The following SYTL2 variants were observed in gnomAD, a reference collection of about 807,000 sequenced individuals.
The protein encoded by SYTL2 is synaptotagmin-like protein 2.
Under a neutral mutation model 198.7 loss-of-function variants are expected in SYTL2, and 165 were observed. The ratio of observed to expected loss-of-function variants is 0.83; its 90% CI spans 0.73 to 0.94. The LOEUF (loss-of-function observed/expected upper bound fraction) is 0.94. SYTL2 is among the 40% of genes least tolerant of loss of function. SYTL2 has a pLI of 0.00. For synonymous variants in SYTL2, 966 were observed against 917.7 expected (o/e 1.05, Z -0.95); for missense variants, 2,835 against 2,582.8 (o/e 1.10, Z -2.12).
intron 1 of SYTL2, among the ~76,000 whole-genome samples, chr11:85,803,509 C>G (rs1390273995): frequency 2.0e-5 from 3 of 152,148 alleles, no homozygotes; most frequent in African/African-American, 7.2e-5. Context: ...GTTGTTTTTC[C>G]TGGAAGATTA....
intron 1 of SYTL2, among the ~76,000 whole-genome samples, chr11:85,809,402 G>A (rs187345746): frequency 6.6e-6 from 1 of 152,258 alleles, no homozygotes; most frequent in African/African-American, 2.4e-5. Context: ...CCAGAATAAC[G>A]GAAACTCCTG....
intron 1 of SYTL2, among the ~76,000 whole-genome samples, chr11:85,782,617 C>T (rs2092578874): frequency 6.6e-6 from 1 of 152,188 alleles, no homozygotes; most frequent in Non-Finnish European, 1.5e-5. Flanking sequence ...GTTCCAATTC[C>T]AAACCATATC....
At chr11:85,762,087 CAT>C (rs2092109882) in intron 1 of SYTL2, among the ~76,000 whole-genome samples, 1 of 152,154 alleles carries the variant, frequency 6.6e-6, no homozygotes. Flanking sequence ...CCAACATTGA[CAT>C]TTCATTTAAT....
intron 1 of SYTL2, among the ~76,000 whole-genome samples, chr11:85,759,064 G>A (rs2092005513): frequency 6.6e-6 from 1 of 152,008 alleles, no homozygotes; most frequent in Non-Finnish European, 1.5e-5. Flanking sequence ...GACCAACATG[G>A]TGAAACCCCG....
At chr11:85,796,618 G>C (rs2092807672) in intron 1 of SYTL2, among the ~76,000 whole-genome samples, 1 of 152,256 alleles carries the variant, frequency 6.6e-6, no homozygotes, top group Non-Finnish European at 1.5e-5. Context: ...AGTACCATGA[G>C]CTTTGGAACT....
the SYTL2 span, among the ~76,000 whole-genome samples, chr11:85,818,688 T>TCTATCTAC: frequency 0.029 from 4,316 of 151,120 alleles, 174 homozygotes; most frequent in African/African-American, 0.088. Context: ...TATCTATCTA[T>TCTATCTAC]CTACCTATCT....
intron 2 of SYTL2, among the ~76,000 whole-genome samples, chr11:85,749,981 G>C (rs369964817): frequency 1.3e-5 from 2 of 152,128 alleles, no homozygotes; most frequent in African/African-American, 4.8e-5. Context: ...ACCTAAAAAG[G>C]CTTCAGGTTA....
chr11:85,736,277 G>A (rs983896137), intron 6 of SYTL2, among the ~76,000 whole-genome samples: 2 of 152,176 alleles, frequency 1.3e-5, no homozygotes, highest in African/African-American at 4.8e-5. Context: ...TGGAAGTCAC[G>A]TAACAAGTCA....
At chr11:85,713,018 C>T (rs996559656) in intron 12 of SYTL2, among the ~76,000 whole-genome samples, 6 of 152,186 alleles carry the variant, frequency 3.9e-5, no homozygotes, top group African/African-American at 1.4e-4. Context: ...CATGCCCGGC[C>T]TCATATTATT....
intron 4 of SYTL2, 52 bp downstream of exon 4, chr11:85,745,585 C>T: frequency 6.3e-7 from 1 of 1,582,874 alleles, no homozygotes; most frequent in Non-Finnish European, 8.6e-7. Context: ...CATGTGACAC[C>T]CCAGGCCATG....
chr11:85,703,177 T>C (rs2084611016), intron 16 of SYTL2, among the ~76,000 whole-genome samples: 1 of 152,132 alleles, frequency 6.6e-6, no homozygotes, highest in East Asian at 1.9e-4. Flanking sequence ...TAATTGGAGT[T>C]TCCAGAAGGA....
At chr11:85,806,311 A>T (rs2092958160) in intron 1 of SYTL2, among the ~76,000 whole-genome samples, 1 of 152,028 alleles carries the variant, frequency 6.6e-6, no homozygotes, top group African/African-American at 2.4e-5. Flanking sequence ...CCCCCTCTCC[A>T]GTTCTGAGCC....
chr11:85,704,960 A>T lies in SYTL2; in HGVS notation c.6087T>A (p.Phe2029Leu), dbSNP rs1046122132. The stretch of plus-strand genomic sequence containing the variant: ...CCTCCCCTAGGAAACTATTGCGCTT[A>T]AATGTATCCCGATGCCAAATGGACA... ...LNLSIWHRDT[F>L]KRNSFLGEVE... Residue 2029 changes from phenylalanine to leucine, a missense_variant, in exon 16 of 20, where the codon TTT becomes TTA. Phe to Leu is a conservative substitution (Grantham distance 22). Around this residue, in one of 3 missense-constraint regions of SYTL2, gnomAD observed 2,645 missense variants for 2,381.7 expected, o/e 1.11. Transcript: ENST00000359152. 3 of 1,613,592 alleles carry T rather than the reference A, an allele frequency of 1.9e-6. No individual in the cohort carries two copies. Among genetic ancestry groups the T allele is most frequent in the Non-Finnish European group, 2.5e-6 (3 of 1,179,698 alleles).
chr11:85,792,285 A>C (rs188754324), intron 1 of SYTL2, among the ~76,000 whole-genome samples: 138 of 152,072 alleles, frequency 9.1e-4, no homozygotes, highest in African/African-American at 3.2e-3. Context: ...TCTCAAACCC[A>C]CCCTAACGGG....
the SYTL2 span, among the ~76,000 whole-genome samples, chr11:85,840,777 C>G: frequency 6.6e-6 from 1 of 151,944 alleles, no homozygotes; most frequent in Non-Finnish European, 1.5e-5. Flanking sequence ...GAAGGCAACC[C>G]AGGCAATACC....
chr11:85,836,239 C>T, the SYTL2 span, among the ~76,000 whole-genome samples: 1 of 152,174 alleles, frequency 6.6e-6, no homozygotes, highest in Non-Finnish European at 1.5e-5. Context: ...TTTCTCTCCT[C>T]TACTAATTTT....
At chr11:85,833,410 C>A in the SYTL2 span, among the ~76,000 whole-genome samples, 1 of 146,578 alleles carries the variant, frequency 6.8e-6, no homozygotes, top group Admixed American at 6.9e-5. Context: ...ACCTATATAT[C>A]ATATATATGT....
chr11:85,791,978 C>G (rs1055961869), intron 1 of SYTL2, among the ~76,000 whole-genome samples: 2 of 152,096 alleles, frequency 1.3e-5, no homozygotes, highest in Admixed American at 6.5e-5. Flanking sequence ...AGCTGACCAT[C>G]TAGCTGAGAA....
Position 85,725,440 on chromosome 11 carries a change from A to G in SYTL2, c.3918T>C (p.Ser1306=), listed in dbSNP as rs748931487. ...GCTGGGAAGTTGGATCCAATGGATGAGAATCTTCTGCAGCCATCTGAATCA... is the reference window on the plus strand; with the variant it reads ...GCTGGGAAGTTGGATCCAATGGATGGGAATCTTCTGCAGCCATCTGAATCA... ...QNLIQMAAED[S]HPLDPTSQLS... Residue 1306 remains serine, a synonymous_variant, in exon 8 of 20, where the codon TCT becomes TCC. Transcript: ENST00000359152. 1.4e-5 allele frequency: 22 copies of G among 1,614,120 alleles called. No individual in the cohort carries two copies. The highest frequency in any genetic ancestry group is 1.8e-5 in the Non-Finnish European group (21 of 1,179,990).
Sources: gnomAD v4.1 joint callset for allele counts (sites outside exome capture counted in the v4.1 genomes callset) on GRCh38, gnomAD v4.1.1 for gene constraint, gnomAD v4.1.1 regional missense constraint, MANE v1.5 for transcripts, NCBI Gene and HGNC (gene_info 2026-07-23, HGNC 2026-07-21) for gene names.